The following PDGFRL variants were observed in gnomAD, a reference collection of about 807,000 sequenced individuals.
PDGFRL encodes platelet derived growth factor receptor like.
PDGFRL carries 46 observed loss-of-function variants against 37.2 expected under a neutral mutation model. The ratio of observed to expected loss-of-function variants is 1.24; its 90% confidence interval spans 0.98 to 1.58. PDGFRL has a LOEUF of 1.58. Among genes scored for constraint, PDGFRL ranks in the 40% most tolerant of loss-of-function variants. PDGFRL has a pLI of 0.00. For missense variants in PDGFRL, 692 were observed against 467.6 expected, an observed-to-expected ratio of 1.48 and a Z score of -4.43; for synonymous variants, 251 against 184.3, an observed-to-expected ratio of 1.36 and a Z score of -2.93.
At chr8:17,633,990 C>T (rs577545802) in intron 4 of PDGFRL, 84 bp from the exon 5 acceptor site, 6 of 1,342,624 alleles carry the variant, frequency 4.5e-6, no homozygotes, top group Non-Finnish European at 3.2e-6. Flanking sequence ...TTCCATCTCT[C>T]TCCATGGAAA....
At chr8:17,582,374 G>C (rs560826909) in intron 1 of PDGFRL, among the ~76,000 whole-genome samples, 13 of 152,082 alleles carry the variant, frequency 8.5e-5, no homozygotes, top group African/African-American at 3.1e-4. Context: ...ATGAGGTCAG[G>C]AGATCGAGAC....
chr8:17,622,125 G>A (rs962524985), intron 3 of PDGFRL, among the ~76,000 whole-genome samples: 11 of 152,208 alleles, frequency 7.2e-5, no homozygotes, highest in African/African-American at 2.7e-4. Flanking sequence ...GCAGTGCAAA[G>A]TATGTTTCTG....
At chr8:17,628,407 G>A (rs752225111) in intron 3 of PDGFRL, 80 bp from the exon 4 acceptor site, 1 of 1,070,142 alleles carries the variant, frequency 9.3e-7, no homozygotes, top group East Asian at 2.4e-5. Context: ...AGTATTCAGA[G>A]TATGCTGCCA....
In PDGFRL at chr8:17,589,709, T is replaced by C; in HGVS notation, c.297T>C (p.Ser99=). ...CTGTAGAGCTTCGATGTAAAGGGAGTAGAATTGGGTGGAGCTACCCTGCGT... is the reference window on the plus strand; with the variant it reads ...CTGTAGAGCTTCGATGTAAAGGGAGCAGAATTGGGTGGAGCTACCCTGCGT... The part of the protein sequence containing the change: ...GQTVELRCKG[S]RIGWSYPAYL... Residue 99 remains serine (S), a synonymous_variant, in exon 2 of 6, where the codon AGT becomes AGC. Transcript: ENST00000251630. 6.2e-7 allele frequency: 1 copy of C among 1,613,036 alleles called. No individual in the cohort carries two copies. The highest frequency in any genetic ancestry group is 1.1e-5 in the South Asian group (1 of 91,056).
chr8:17,633,782 A>G (rs1370162099), intron 4 of PDGFRL, among the ~76,000 whole-genome samples: 1 of 151,936 alleles, frequency 6.6e-6, no homozygotes, highest in East Asian at 1.9e-4. Context: ...TCACCTCTTC[A>G]TTCTCTTCAC....
chr8:17,625,467 C>T (rs1263380137), intron 3 of PDGFRL, among the ~76,000 whole-genome samples: 4 of 148,408 alleles, frequency 2.7e-5, no homozygotes, highest in Non-Finnish European at 3.0e-5. Context: ...TTTTTTTAAT[C>T]TAAAATCCCA....
intron 2 of PDGFRL, among the ~76,000 whole-genome samples, chr8:17,591,715 G>T: frequency 6.6e-6 from 1 of 152,088 alleles, no homozygotes; most frequent in East Asian, 1.9e-4. Context: ...TCAAGAGATT[G>T]ATACCATCCT....
In PDGFRL at chr8:17,621,094, T is replaced by C. The variant is rs200648744; in HGVS notation, c.397T>C (p.Ser133Pro). Residue 133 changes from serine (S) to proline (P), a missense_variant, in exon 3 of 6, where the codon TCC (serine) becomes CCC (proline). Coordinates refer to ENST00000251630, the MANE Select transcript of PDGFRL (RefSeq NM_001372073.1). Reference protein sequence around the residue: ...ERYGQLTLVNSTSADTGEFSC... With the variant: ...ERYGQLTLVNPTSADTGEFSC... ...CTACGGCCAGTTGACTCTGGTCAACTCCACCTCGGCAGACACAGGTGAATT... is the reference window on the plus strand; with the variant it reads ...CTACGGCCAGTTGACTCTGGTCAACCCCACCTCGGCAGACACAGGTGAATT... 2.2e-5 allele frequency: 36 copies of C among 1,611,690 alleles called. No individual in the cohort carries two copies. Among genetic ancestry groups the C allele is most frequent in the Non-Finnish European group, 3.0e-5 (35 of 1,178,512 alleles).
intron 3 of PDGFRL, among the ~76,000 whole-genome samples, chr8:17,627,392 T>A (rs1563526495): frequency 6.6e-6 from 1 of 152,196 alleles, no homozygotes; most frequent in Non-Finnish European, 1.5e-5. Context: ...TAAATACATT[T>A]TCAGGGGACA....
intron 1 of PDGFRL, among the ~76,000 whole-genome samples, chr8:17,586,877 A>C (rs1302297160): frequency 6.6e-6 from 1 of 152,230 alleles, no homozygotes; most frequent in Non-Finnish European, 1.5e-5. Flanking sequence ...GAAGCTAGTA[A>C]TGATATTTAA....
chr8:17,584,242 G>A lies in PDGFRL; in HGVS notation c.56-5226G>A, dbSNP rs1472591134. Among the ~76,000 whole-genome samples the A allele has an allele frequency of 2.6e-5, 4 of 152,180 alleles. No homozygotes were observed. The East Asian group carries it at 7.7e-4, about 29-fold the overall frequency. ...CAATTGTCATTTGCTGATAAAGGGA[G>A]CATCAGGAAGGAGCATGTCTGAAGG... On this transcript the variant is annotated intron_variant, in intron 1 of 5. Coordinates refer to ENST00000251630, the MANE Select transcript of PDGFRL (RefSeq NM_001372073.1).
chr8:17,623,394 T>G (rs960268453), intron 3 of PDGFRL, among the ~76,000 whole-genome samples: 3 of 152,194 alleles, frequency 2.0e-5, no homozygotes, highest in African/African-American at 7.2e-5. Flanking sequence ...TACCATGCTG[T>G]GAAGCAACAG....
At chr8:17,607,092 C>CG (rs1804297774) in intron 2 of PDGFRL, among the ~76,000 whole-genome samples, 2 of 151,812 alleles carry the variant, frequency 1.3e-5, no homozygotes, top group African/African-American at 4.8e-5. Flanking sequence ...AATGGGGTTT[C>CG]CTCATGTTGG....
At chr8:17,577,029 C>T, upstream of PDGFRL, 1 of 610,202 alleles carries the variant, frequency 1.6e-6, no homozygotes, top group Non-Finnish European at 2.8e-6. Flanking sequence ...GGAAGAAGTG[C>T]TGCGCACCGC....
At position 17,642,677 on chromosome 8, in the gene PDGFRL, C is replaced by A. The variant is rs774318933; in HGVS notation, c.1004C>A (p.Thr335Lys). The change falls in exon 6 of 6, where the codon ACG becomes AAG. Residue 335 changes from threonine (T) to lysine (K), a missense_variant. Transcript: ENST00000251630. The part of the protein sequence containing the change: ...RLIHRGLGHT[T>K]RISQSVITVE... ...ATCCACAGAGGACTGGGACACACCA[C>A]GAGAATCTCCCAGAGTGTCATTACA... 9 of 1,603,300 alleles carry A rather than the reference C, an allele frequency of 5.6e-6. No homozygotes were observed. Among genetic ancestry groups the A allele is most frequent in the Non-Finnish European group, 6.0e-6 (7 of 1,170,200 alleles).
chr8:17,638,734 G>A (rs1446694975), intron 5 of PDGFRL, among the ~76,000 whole-genome samples: 1 of 69,594 alleles, frequency 1.4e-5, no homozygotes, highest in African/African-American at 5.2e-5. Flanking sequence ...TCTGGCATTA[G>A]GTGCATATAT....
chr8:17,589,898 A>T, intron 2 of PDGFRL, 133 bp downstream of exon 2: 1 of 620,442 alleles, frequency 1.6e-6, no homozygotes, highest in Non-Finnish European at 2.8e-6. Context: ...ATAGAAGCTC[A>T]AAGGGCAAAA....
chr8:17,606,712 G>T (rs1385595862), intron 2 of PDGFRL, among the ~76,000 whole-genome samples: 4 of 151,922 alleles, frequency 2.6e-5, no homozygotes, highest in African/African-American at 9.7e-5. Context: ...AAGGGTGGGG[G>T]GCAGGTAATA....
intron 2 of PDGFRL, among the ~76,000 whole-genome samples, chr8:17,597,627 T>G (rs1804082589): frequency 6.6e-6 from 1 of 152,202 alleles, no homozygotes; most frequent in African/African-American, 2.4e-5. Flanking sequence ...CTGGCTTTAT[T>G]CATCAGTGAT....
Sources: allele counts gnomAD v4.1 joint callset (sites outside exome capture counted in the v4.1 genomes callset), GRCh38; gene constraint gnomAD v4.1.1; transcripts MANE v1.5; gene names NCBI Gene and HGNC (gene_info 2026-07-23, HGNC 2026-07-21).